The following ARID5B variants were observed in gnomAD, a reference collection of about 807,000 sequenced individuals.
ARID5B encodes the protein AT-rich interaction domain 5B.
A neutral mutation model predicts 97.2 loss-of-function variants in ARID5B; 13 were observed. The ratio of observed to expected loss-of-function variants is 0.13; its 90% confidence interval spans 0.09 to 0.21. ARID5B has a LOEUF of 0.21. ARID5B is among the 10% of genes least tolerant of loss of function. The probability of loss-of-function intolerance (pLI) is 1.00; values close to 1 mark genes in which losing one functional copy is unlikely to be tolerated. For missense variants in ARID5B, 1,210 were observed against 1,465.3 expected, an observed-to-expected ratio of 0.83 and a Z score of 2.84; for synonymous variants, 556 against 570.3, an observed-to-expected ratio of 0.97 and a Z score of 0.36.
intron 3 of ARID5B, among the ~76,000 whole-genome samples, chr10:61,998,994 C>T (rs527820582): frequency 6.6e-6 from 1 of 152,312 alleles, no homozygotes; most frequent in South Asian, 2.1e-4. Context: ...TATCCTGGGA[C>T]ATTATAGATG....
chr10:61,961,057 G>A (rs781037990), intron 3 of ARID5B, among the ~76,000 whole-genome samples: 5 of 152,152 alleles, frequency 3.3e-5, no homozygotes, highest in Non-Finnish European at 5.9e-5. Context: ...TTGATACATG[G>A]TAGCATTATT....
chr10:62,079,182 G>C (rs944304686), intron 8 of ARID5B, among the ~76,000 whole-genome samples: 2 of 152,162 alleles, frequency 1.3e-5, no homozygotes, highest in Non-Finnish European at 2.9e-5. Context: ...GTGTTGGTAT[G>C]TCTCCGTGTT....
rs1022226701 is a variant in ARID5B, at chr10:61,960,111, T to C, written c.502+19703T>C. On this transcript the variant is annotated intron_variant, in intron 3 of 9. Transcript: ENST00000279873. ...CTCTTTCAGATTGGAGGGTTTCTTTTTTCATGAATGTGTAGGAAGGAAGGG... is the reference window on the plus strand; with the variant it reads ...CTCTTTCAGATTGGAGGGTTTCTTTCTTCATGAATGTGTAGGAAGGAAGGG... Among the ~76,000 whole-genome samples, 24 of 152,198 alleles carry C rather than the reference T, an allele frequency of 1.6e-4. 1 individual carries two copies. The highest frequency in any genetic ancestry group is 5.8e-4 in the African/African-American group (24 of 41,456).
chr10:61,981,197 C>G (rs1016889335), intron 3 of ARID5B, among the ~76,000 whole-genome samples: 2 of 152,134 alleles, frequency 1.3e-5, no homozygotes, highest in African/African-American at 4.8e-5. Flanking sequence ...GCTTGCCTGT[C>G]TGTAGTGCAT....
At chr10:61,925,463 C>T (rs979217993) in intron 2 of ARID5B, among the ~76,000 whole-genome samples, 1 of 151,942 alleles carries the variant, frequency 6.6e-6, no homozygotes, top group Non-Finnish European at 1.5e-5. Flanking sequence ...AAAAATAGAC[C>T]ATGGAGTTTA....
intron 4 of ARID5B, among the ~76,000 whole-genome samples, chr10:62,045,276 C>T (rs1323462396): frequency 3.3e-5 from 5 of 152,040 alleles, no homozygotes; most frequent in South Asian, 2.1e-4. Context: ...TTTACTCATA[C>T]GTTAATAACT....
At chr10:61,958,933 G>C (rs1017571479) in intron 3 of ARID5B, among the ~76,000 whole-genome samples, 3 of 152,118 alleles carry the variant, frequency 2.0e-5, no homozygotes, top group African/African-American at 7.2e-5. Flanking sequence ...TTCTTATTTT[G>C]ATTTATTCAG....
intron 3 of ARID5B, among the ~76,000 whole-genome samples, chr10:61,967,079 T>C (rs1375063062): frequency 6.6e-6 from 1 of 152,150 alleles, no homozygotes; most frequent in Non-Finnish European, 1.5e-5. Context: ...AGATTTAGCA[T>C]TAATACTATC....
chr10:61,996,592 T>C (rs1838999938), intron 3 of ARID5B, among the ~76,000 whole-genome samples: 2 of 152,136 alleles, frequency 1.3e-5, no homozygotes, highest in South Asian at 4.1e-4. Flanking sequence ...GTAATGCCAC[T>C]AATAAGGTTG....
chr10:61,912,844 C>G (rs1242216376), intron 2 of ARID5B, among the ~76,000 whole-genome samples: 4 of 152,076 alleles, frequency 2.6e-5, no homozygotes, highest in Non-Finnish European at 5.9e-5. Flanking sequence ...TGTCACTAAG[C>G]TTGCCCTAAG....
chr10:62,025,414 C>T (rs964096709), intron 4 of ARID5B: 5 of 152,048 alleles, frequency 3.3e-5, no homozygotes, highest in South Asian at 2.1e-4. Flanking sequence ...AGTTTGGAGA[C>T]GGGGAGATGT....
chr10:61,920,627 G>GA (rs1382794080), intron 2 of ARID5B, among the ~76,000 whole-genome samples: 1 of 151,562 alleles, frequency 6.6e-6, no homozygotes, highest in African/African-American at 2.4e-5. Flanking sequence ...TGAGTAGATG[G>GA]AAAAAAAAGG....
At chr10:62,086,404 A>G (rs1840280829) in intron 9 of ARID5B, among the ~76,000 whole-genome samples, 1 of 152,090 alleles carries the variant, frequency 6.6e-6, no homozygotes, top group Admixed American at 6.5e-5. Context: ...AGCGTGGGCA[A>G]CATGGTGAGA....
chr10:61,956,993 G>C (rs1485716510), intron 3 of ARID5B, among the ~76,000 whole-genome samples: 1 of 151,972 alleles, frequency 6.6e-6, no homozygotes, highest in East Asian at 1.9e-4. Context: ...AGCCTCAACC[G>C]CTTCCAGGCT....
chr10:61,977,554 C>G (rs967069935), intron 3 of ARID5B, among the ~76,000 whole-genome samples: 2 of 152,232 alleles, frequency 1.3e-5, no homozygotes, highest in African/African-American at 4.8e-5. Flanking sequence ...GCCATTCTAA[C>G]TGGTGTGAGA....
intron 3 of ARID5B, among the ~76,000 whole-genome samples, chr10:61,975,349 G>A (rs1838684417): frequency 6.6e-6 from 1 of 152,152 alleles, no homozygotes; most frequent in African/African-American, 2.4e-5. Flanking sequence ...TGGAAGTAGA[G>A]GTCTGCGTTT....
chr10:62,030,397 C>G (rs113899101), intron 4 of ARID5B, among the ~76,000 whole-genome samples: 1 of 152,172 alleles, frequency 6.6e-6, no homozygotes, highest in Non-Finnish European at 1.5e-5. Flanking sequence ...TCCCAAAGTG[C>G]TGGGATTACA....
chr10:62,018,232 C>T (rs960203332), intron 4 of ARID5B, among the ~76,000 whole-genome samples: 11 of 152,148 alleles, frequency 7.2e-5, no homozygotes, highest in Admixed American at 2.0e-4. Context: ...TTTATTCCAG[C>T]TCATTAGCAC....
intron 2 of ARID5B, among the ~76,000 whole-genome samples, chr10:61,926,876 G>A (rs1221172472): frequency 6.6e-6 from 1 of 151,956 alleles, no homozygotes; most frequent in Admixed American, 6.6e-5. Flanking sequence ...TGCCCGCCTC[G>A]GCCTCCCAAA....
Sources: gnomAD v4.1 joint callset for allele counts (sites outside exome capture counted in the v4.1 genomes callset) on GRCh38, gnomAD v4.1.1 for gene constraint, MANE v1.5 for transcripts, NCBI Gene and HGNC (gene_info 2026-07-23, HGNC 2026-07-21) for gene names.